Variants in ADAM22 observed in about 807,000 individuals in gnomAD.
ADAM22 encodes ADAM metallopeptidase domain 22, also known as disintegrin and metalloproteinase domain-containing protein 22.
Under a neutral mutation model 144.6 loss-of-function variants are expected in ADAM22, and 65 were observed. The ratio of observed to expected loss-of-function variants is 0.45; its 90% CI spans 0.37 to 0.55. The LOEUF is 0.55. ADAM22 is among the 20% of genes least tolerant of loss of function. The pLI is 0.00. For missense variants in ADAM22, 974 were observed against 1,184.9 expected (o/e 0.82, Z 2.61); for synonymous variants, 391 against 412.6 (o/e 0.95, Z 0.63).
chr7:87,985,904 AT>A (rs1307929641), intron 3 of ADAM22, among the ~76,000 whole-genome samples: 1 of 151,920 alleles, frequency 6.6e-6, no homozygotes, highest in East Asian at 1.9e-4. Flanking sequence ...TAGGCTTTTG[AT>A]TTTTTTAAAT....
chr7:88,082,870 A>T (rs1817218086), intron 4 of ADAM22, among the ~76,000 whole-genome samples: 1 of 152,114 alleles, frequency 6.6e-6, no homozygotes, highest in South Asian at 2.1e-4. Flanking sequence ...AGAAATAGGA[A>T]CACTTTTACA....
chr7:88,048,676 A>T lies in ADAM22; in HGVS notation c.324-26950A>T, dbSNP rs190617482. On this transcript the variant is annotated intron_variant, in intron 3 of 31. Coordinates refer to ENST00000413139, the MANE Select transcript of ADAM22 (RefSeq NM_001324418.2). ...AATGTTCACCTTTTCTTATTAATTT[A>T]TACATTAATAGTATCAACTATTTTT... Among the ~76,000 whole-genome samples the T allele has an allele frequency of 6.4e-4, 98 of 152,214 alleles. 1 individual carries two copies. The highest frequency in any genetic ancestry group is 6.3e-3 in the Admixed American group (97 of 15,284).
Position 88,126,279 on chromosome 7 carries a change from G to A in ADAM22, c.678+620G>A, listed in dbSNP as rs115871173. 3.9e-3 allele frequency among the ~76,000 whole-genome samples: 590 copies of A among 152,104 alleles called. 4 individuals are homozygous for A. The highest frequency in any genetic ancestry group is 0.013 in the African/African-American group (557 of 41,536). ...ATGACTTACTCGAATCATAGAGCTG[G>A]TAAACAGTTTAGACAAAATTAAGAG... On this transcript the variant is annotated intron_variant, in intron 8 of 31. Transcript: ENST00000413139.
chr7:88,041,321 C>T (rs1803076792), intron 3 of ADAM22, among the ~76,000 whole-genome samples: 1 of 151,894 alleles, frequency 6.6e-6, no homozygotes, highest in Non-Finnish European at 1.5e-5. Flanking sequence ...GTAGTGAGTG[C>T]CATCATTAAT....
intron 3 of ADAM22, among the ~76,000 whole-genome samples, chr7:88,011,531 C>T (rs566252137): frequency 2.0e-5 from 3 of 147,984 alleles, no homozygotes; most frequent in South Asian, 4.3e-4. Context: ...CAGAGCGAGA[C>T]TCAATCTCAA....
intron 4 of ADAM22, among the ~76,000 whole-genome samples, chr7:88,106,310 T>A (rs1176807198): frequency 6.6e-6 from 1 of 152,172 alleles, no homozygotes; most frequent in Non-Finnish European, 1.5e-5. Flanking sequence ...CAGGATTGCA[T>A]TGTGTACCAT....
chr7:88,036,250 GA>G (rs1290812161), intron 3 of ADAM22, among the ~76,000 whole-genome samples: 2 of 151,972 alleles, frequency 1.3e-5, no homozygotes, highest in Non-Finnish European at 2.9e-5. Context: ...CTTCACTAAA[GA>G]AAGAAAATAA....
chr7:88,125,065 A>G (rs1830095316), intron 7 of ADAM22, among the ~76,000 whole-genome samples: 1 of 152,034 alleles, frequency 6.6e-6, no homozygotes, highest in Non-Finnish European at 1.5e-5. Context: ...CAGTTGATGT[A>G]TAATTTTCAC....
At chr7:88,133,241 T>A (rs1160808705) in intron 12 of ADAM22, among the ~76,000 whole-genome samples, 4 of 151,918 alleles carry the variant, frequency 2.6e-5, no homozygotes, top group South Asian at 2.1e-4. Flanking sequence ...CGTGTGCCTG[T>A]AGCCCCAGCT....
chr7:88,155,676 A>G (rs1353330159), intron 21 of ADAM22, among the ~76,000 whole-genome samples: 2 of 152,312 alleles, frequency 1.3e-5, no homozygotes, highest in Admixed American at 6.5e-5. Context: ...CTAGAAAACA[A>G]TTGAGATTTT....
intron 3 of ADAM22, among the ~76,000 whole-genome samples, chr7:87,989,729 A>G (rs1437324267): frequency 6.6e-6 from 1 of 152,184 alleles, no homozygotes; most frequent in Non-Finnish European, 1.5e-5. Flanking sequence ...CTGCCTGGCC[A>G]ACATGGTGAA....
chr7:88,150,649 A>G (rs1444391602), intron 18 of ADAM22, among the ~76,000 whole-genome samples: 3 of 152,186 alleles, frequency 2.0e-5, no homozygotes, highest in African/African-American at 7.2e-5. Flanking sequence ...TTTTAAATGT[A>G]TCATTAATTG....
intron 15 of ADAM22, among the ~76,000 whole-genome samples, chr7:88,143,451 AT>A (rs548886579): frequency 6.6e-6 from 1 of 151,938 alleles, no homozygotes; most frequent in Non-Finnish European, 1.5e-5. Context: ...CTTGATGTTT[AT>A]TTTTTTTGGT....
chr7:88,183,216 G>T (rs888568998), intron 29 of ADAM22, among the ~76,000 whole-genome samples: 2 of 152,100 alleles, frequency 1.3e-5, no homozygotes, highest in Non-Finnish European at 2.9e-5. Context: ...TATTCCCAAA[G>T]CGCTTGGATG....
chr7:88,126,534 A>G (rs1830441561), intron 8 of ADAM22, among the ~76,000 whole-genome samples: 1 of 152,034 alleles, frequency 6.6e-6, no homozygotes, highest in Admixed American at 6.6e-5. Flanking sequence ...TGGCCCTATT[A>G]TAAGAATTTT....
chr7:88,018,562 G>A (rs1797053141), intron 3 of ADAM22, among the ~76,000 whole-genome samples: 2 of 152,126 alleles, frequency 1.3e-5, no homozygotes, highest in South Asian at 4.1e-4. Context: ...TGGAATTTGG[G>A]TAGAAATATA....
intron 3 of ADAM22, among the ~76,000 whole-genome samples, chr7:88,015,939 CT>C (rs5885608): frequency 1.3e-4 from 19 of 150,706 alleles, no homozygotes; most frequent in African/African-American, 3.7e-4. Context: ...TCAAATCCTT[CT>C]TTTTTTTTAA....
intron 2 of ADAM22, among the ~76,000 whole-genome samples, chr7:87,938,291 T>C (rs2131205161): frequency 6.9e-6 from 1 of 145,292 alleles, no homozygotes; most frequent in African/African-American, 2.6e-5. Flanking sequence ...TGATCTCAGC[T>C]TATTGCAACC....
At chr7:88,135,493 C>G (rs992433932) in intron 13 of ADAM22, among the ~76,000 whole-genome samples, 3 of 152,016 alleles carry the variant, frequency 2.0e-5, no homozygotes, top group African/African-American at 7.2e-5. Flanking sequence ...AAATGGCAAA[C>G]TCAGGTTTTG....
Sources: allele counts gnomAD v4.1 joint callset (sites outside exome capture counted in the v4.1 genomes callset), GRCh38; gene constraint gnomAD v4.1.1; transcripts MANE v1.5; gene names NCBI Gene and HGNC (gene_info 2026-07-23, HGNC 2026-07-21).